POLK: variants seen among roughly 807,000 people sequenced by gnomAD.
The protein encoded by POLK is polymerase (DNA directed) kappa.
In POLK, 76 loss-of-function variants were observed where a neutral mutation model predicts 94.0. The observed-to-expected ratio is 0.81, with a 90% CI of 0.67 to 0.98. POLK has a LOEUF of 0.98. POLK is among the 50% of genes least tolerant of loss of function. The pLI is 0.00. For missense variants in POLK, 954 were observed against 1,010.1 expected (o/e 0.94, Z 0.75); for synonymous variants, 349 against 325.4 (o/e 1.07, Z -0.78).
the POLK span, among the ~76,000 whole-genome samples, chr5:75,607,444 G>A: frequency 6.6e-6 from 1 of 151,026 alleles, no homozygotes; most frequent in Non-Finnish European, 1.5e-5. Context: ...CTCCAACCTG[G>A]GTGACAAAGC....
At chr5:75,596,268 A>T (rs745707021) in exon 13 of POLK, 5 of 1,612,986 alleles carry the variant, frequency 3.1e-6, no homozygotes, top group Non-Finnish European at 8.5e-7. Context: ...GGAAACACCA[A>T]CAAAGGAGCA....
intron 1 of POLK, among the ~76,000 whole-genome samples, chr5:75,515,559 T>G (rs756220365): frequency 1.3e-5 from 2 of 152,156 alleles, no homozygotes; most frequent in African/African-American, 4.8e-5. Context: ...TGAATAGTGC[T>G]GTAATAAACG....
chr5:75,511,633 C>G, upstream of POLK: 1 of 1,486,010 alleles, frequency 6.7e-7, no homozygotes, highest in Non-Finnish European at 9.0e-7. Context: ...ACTATTTACC[C>G]TCCCCTCCCC....
At chr5:75,546,184 T>A (rs1486764834) in intron 1 of POLK, among the ~76,000 whole-genome samples, 4 of 152,234 alleles carry the variant, frequency 2.6e-5, no homozygotes, top group African/African-American at 9.6e-5. Flanking sequence ...TACAGTTGAT[T>A]AATATGTATT....
chr5:75,575,570 G>A (rs1170352912), intron 5 of POLK, among the ~76,000 whole-genome samples: 1 of 152,166 alleles, frequency 6.6e-6, no homozygotes, highest in East Asian at 1.9e-4. Context: ...AATATCCTAT[G>A]TAAAGGAAGT....
At chr5:75,535,733 G>A (rs187721455) in intron 1 of POLK, among the ~76,000 whole-genome samples, 152 of 152,170 alleles carry the variant, frequency 1.0e-3, no homozygotes, top group African/African-American at 3.4e-3. Flanking sequence ...CCTTACCTTG[G>A]TGGATTCTGC....
chr5:75,607,658 G>A, the POLK span, among the ~76,000 whole-genome samples: 5 of 152,076 alleles, frequency 3.3e-5, no homozygotes, highest in Admixed American at 1.3e-4. Context: ...TGGGCTGCAG[G>A]GGCTGATTCT....
At chr5:75,529,169 C>A (rs937952443) in intron 1 of POLK, among the ~76,000 whole-genome samples, 3 of 152,020 alleles carry the variant, frequency 2.0e-5, no homozygotes, top group Non-Finnish European at 4.4e-5. Context: ...AAGCATGGTG[C>A]CAGCATCTGC....
intron 3 of POLK, among the ~76,000 whole-genome samples, chr5:75,562,707 T>C (rs1480155871): frequency 4.6e-5 from 7 of 152,062 alleles, no homozygotes; most frequent in African/African-American, 1.7e-4. Context: ...TTATTGAGAG[T>C]TTTTAGCATG....
intron 1 of POLK, among the ~76,000 whole-genome samples, chr5:75,523,106 A>G (rs5744558): frequency 1.1e-4 from 17 of 152,186 alleles, no homozygotes; most frequent in African/African-American, 3.9e-4. Context: ...AATTTGCCTA[A>G]ATAAGATACT....
intron 11 of POLK, among the ~76,000 whole-genome samples, chr5:75,591,477 T>C (rs890475649): frequency 6.6e-6 from 1 of 152,160 alleles, no homozygotes; most frequent in Non-Finnish European, 1.5e-5. Context: ...ACAAAAATAA[T>C]AGAATTTCAG....
intron 12 of POLK, among the ~76,000 whole-genome samples, chr5:75,595,120 C>T (rs189882186): frequency 5.3e-5 from 8 of 151,780 alleles, no homozygotes; most frequent in South Asian, 4.2e-4. Context: ...GACATGGTGG[C>T]GGGCACCTGT....
chr5:75,520,216 G>T (rs991233775), intron 1 of POLK, among the ~76,000 whole-genome samples: 9 of 152,006 alleles, frequency 5.9e-5, no homozygotes, highest in Non-Finnish European at 1.3e-4. Flanking sequence ...ACTTTTTATT[G>T]TCTCAACTTA....
chr5:75,535,403 G>A (rs1209938517), intron 1 of POLK, among the ~76,000 whole-genome samples: 1 of 152,044 alleles, frequency 6.6e-6, no homozygotes, highest in Non-Finnish European at 1.5e-5. Flanking sequence ...CTTTCAGACC[G>A]TGGAGACTCT....
exon 7 of POLK, chr5:75,581,241 G>A (rs1561395554): frequency 8.1e-6 from 13 of 1,605,444 alleles, no homozygotes; most frequent in Non-Finnish European, 1.1e-5. Flanking sequence ...TAAACTGAGT[G>A]AGCATGAACG....
chr5:75,566,083 A>G (rs903383312), intron 3 of POLK, among the ~76,000 whole-genome samples: 1 of 152,162 alleles, frequency 6.6e-6, no homozygotes, highest in Non-Finnish European at 1.5e-5. Flanking sequence ...GGAATCTAGG[A>G]AGGCAGTCTG....
At chr5:75,582,068 GA>G in intron 7 of POLK, 1 of 982,786 alleles carries the variant, frequency 1.0e-6, no homozygotes, top group Non-Finnish European at 1.2e-6. Flanking sequence ...TTTTCCTTGG[GA>G]GACTTCAATC....
Position 75,524,566 on chromosome 5 carries a change from C to T in POLK, c.-14+12652C>T, listed in dbSNP as rs139378518. On this transcript the variant is annotated intron_variant, in intron 1 of 14. Transcript: ENST00000241436. ...TTGCTTTTAAATTTTTGAGAAACTT[C>T]TACTTCCAGTATGGAGAAGTAAGCT... Among the ~76,000 whole-genome samples the T allele has an allele frequency of 1.1e-3, 162 of 151,892 alleles. 1 individual carries two copies. The East Asian group carries it at 0.027, about 26-fold the overall frequency.
At chr5:75,567,072 C>T (rs971235969) in intron 3 of POLK, among the ~76,000 whole-genome samples, 1 of 152,160 alleles carries the variant, frequency 6.6e-6, no homozygotes, top group African/African-American at 2.4e-5. Context: ...ATGAGTCATG[C>T]AGTGGAGAGG....
Sources: allele counts gnomAD v4.1 joint callset (sites outside exome capture counted in the v4.1 genomes callset), GRCh38; gene constraint gnomAD v4.1.1; transcripts MANE v1.5; gene names NCBI Gene and HGNC (gene_info 2026-07-23, HGNC 2026-07-21).